The following TANK variants were observed in gnomAD, a reference collection of about 807,000 sequenced individuals.
The protein encoded by TANK is TRAF family member-associated NF-kappa-B activator.
Under a neutral mutation model 43.6 loss-of-function variants are expected in TANK, and 15 were observed. The ratio of observed to expected loss-of-function variants is 0.34; its 90% CI spans 0.23 to 0.53. The LOEUF (loss-of-function observed/expected upper bound fraction) is 0.53. TANK is among the 20% of genes least tolerant of loss of function. The pLI is 0.94. For missense variants in TANK, 417 were observed against 498.6 expected (o/e 0.84, Z 1.56); for synonymous variants, 162 against 178.2 (o/e 0.91, Z 0.73).
intron 2 of TANK, chr2:161,201,209 C>A (rs1186220521): frequency 1.0e-6 from 1 of 980,684 alleles, no homozygotes; most frequent in Non-Finnish European, 1.2e-6. Context: ...TATTAAGTAG[C>A]TTAAGAAGTA....
At chr2:161,231,597 A>G (rs1286536353) in intron 7 of TANK, 46 bp downstream of exon 7, 2 of 1,546,456 alleles carry the variant, frequency 1.3e-6, no homozygotes, top group Admixed American at 1.7e-5. Flanking sequence ...GTGAACACAC[A>G]TTTTGCCATA....
chr2:161,154,989 C>T (rs977833532), intron 1 of TANK, among the ~76,000 whole-genome samples: 20 of 152,086 alleles, frequency 1.3e-4, no homozygotes, highest in African/African-American at 4.8e-4. Flanking sequence ...AAGTGATCTG[C>T]CTGCCTTGGC....
intron 1 of TANK, among the ~76,000 whole-genome samples, chr2:161,143,823 C>G (rs552836252): frequency 6.6e-6 from 1 of 152,136 alleles, no homozygotes; most frequent in South Asian, 2.1e-4. Flanking sequence ...ATGATGCTGG[C>G]CTCATAAAAT....
chr2:161,168,801 C>G (rs1007661050), intron 1 of TANK, among the ~76,000 whole-genome samples: 1 of 152,148 alleles, frequency 6.6e-6, no homozygotes, highest in Non-Finnish European at 1.5e-5. Flanking sequence ...CCATTGCACT[C>G]CAGCCTCGAG....
intron 4 of TANK, among the ~76,000 whole-genome samples, chr2:161,220,743 A>G (rs1397541686): frequency 2.0e-5 from 3 of 152,234 alleles, no homozygotes; most frequent in Non-Finnish European, 2.9e-5. Context: ...AAAGGAATAA[A>G]ATAATTTCAC....
chr2:161,138,911 C>G (rs1683664342), intron 1 of TANK, among the ~76,000 whole-genome samples: 1 of 152,146 alleles, frequency 6.6e-6, no homozygotes, highest in African/African-American at 2.4e-5. Context: ...ATTAAGGCCT[C>G]AGTAGACATA....
chr2:161,235,673 T>C lies in TANK; in HGVS notation c.*155T>C. The C allele has an allele frequency of 1.8e-6, 1 of 549,124 alleles. No individual in the cohort carries two copies. The highest frequency in any genetic ancestry group is 2.9e-6 in the Non-Finnish European group (1 of 340,378). The allele number at this position is 549,124 out of a possible 1,614,324, so 34.0% of individuals were successfully genotyped here. A position where few individuals can be genotyped will look rare whatever the true frequency, so the allele number is the denominator to read the frequency against. On this transcript the variant is annotated 3_prime_UTR_variant, in exon 8 of 8. Transcript: ENST00000392749. ...TTTTCTGGATTTACTATATAACTCT[T>C]ATTTTTTAAAAGATCATTCTGTTCT...
intron 1 of TANK, among the ~76,000 whole-genome samples, chr2:161,139,136 G>C (rs1350110050): frequency 6.6e-6 from 1 of 151,976 alleles, no homozygotes; most frequent in African/African-American, 2.4e-5. Context: ...GTGATGCCTA[G>C]ACAGAAAAAA....
At chr2:161,145,488 A>C (rs1683884780) in intron 1 of TANK, among the ~76,000 whole-genome samples, 1 of 151,592 alleles carries the variant, frequency 6.6e-6, no homozygotes, top group African/African-American at 2.4e-5. Flanking sequence ...TTTCCTTTCC[A>C]TAGTTAGTGC....
upstream of TANK, among the ~76,000 whole-genome samples, chr2:161,159,839 C>T (rs1344261523): frequency 2.6e-5 from 4 of 152,240 alleles, no homozygotes; most frequent in African/African-American, 9.6e-5. Flanking sequence ...ACCTCCATTT[C>T]CAGCCATTCC....
intron 2 of TANK, among the ~76,000 whole-genome samples, chr2:161,183,418 C>T (rs1052551542): frequency 1.3e-5 from 2 of 151,948 alleles, no homozygotes; most frequent in Admixed American, 6.6e-5. Context: ...AAAAACTCAA[C>T]GTTCTTCTTA....
chr2:161,208,573 T>A (rs1686748676), intron 4 of TANK, among the ~76,000 whole-genome samples: 2 of 152,080 alleles, frequency 1.3e-5, no homozygotes, highest in Admixed American at 1.3e-4. Flanking sequence ...TTTCTATGGG[T>A]CAGAAATTCA....
intron 2 of TANK, among the ~76,000 whole-genome samples, chr2:161,199,677 A>C (rs756274255): frequency 1.3e-5 from 2 of 152,132 alleles, no homozygotes; most frequent in Non-Finnish European, 2.9e-5. Context: ...ATTTTTGATA[A>C]ATTTAGGATG....
At chr2:161,232,928 C>A in intron 7 of TANK, 5 of 1,397,854 alleles carry the variant, frequency 3.6e-6, no homozygotes, top group South Asian at 2.9e-5. Context: ...GCAGAAAAAG[C>A]AAAGAAATTA....
intron 4 of TANK, chr2:161,207,340 A>C: frequency 2.1e-6 from 2 of 932,534 alleles, no homozygotes; most frequent in Non-Finnish European, 2.6e-6. Context: ...AGTTCTCTTA[A>C]TTATCTTTAC....
At chr2:161,213,702 T>A (rs1182492517) in intron 4 of TANK, among the ~76,000 whole-genome samples, 1 of 151,838 alleles carries the variant, frequency 6.6e-6, no homozygotes, top group African/African-American at 2.4e-5. Flanking sequence ...TTATTTTTTT[T>A]TTTTTTGGTT....
intron 1 of TANK, among the ~76,000 whole-genome samples, chr2:161,166,869 C>G (rs559235572): frequency 6.6e-6 from 1 of 152,292 alleles, no homozygotes; most frequent in South Asian, 2.1e-4. Context: ...TTATGTACTA[C>G]AGTGGCAACT....
chr2:161,162,132 A>C (rs1267059), intron 1 of TANK, among the ~76,000 whole-genome samples: 105,803 of 151,958 alleles, frequency 0.7, 38,382 homozygotes, highest in East Asian at 0.82. Flanking sequence ...TCCTTAATAT[A>C]GTAAATTCTC....
At chr2:161,180,902 G>GTT (rs35730859) in intron 2 of TANK, among the ~76,000 whole-genome samples, 33 of 135,654 alleles carry the variant, frequency 2.4e-4, no homozygotes, top group East Asian at 8.5e-4. Context: ...AGAGTTCAGG[G>GTT]TTTTTTTTTT....
Sources: allele counts gnomAD v4.1 joint callset (sites outside exome capture counted in the v4.1 genomes callset), GRCh38; gene constraint gnomAD v4.1.1; transcripts MANE v1.5; gene names NCBI Gene and HGNC (gene_info 2026-07-23, HGNC 2026-07-21).